The following NUP153 variants were observed in gnomAD, a reference collection of about 807,000 sequenced individuals.
NUP153 encodes nuclear pore complex protein Nup153.
NUP153 carries 27 observed loss-of-function variants against 134.6 expected under a neutral mutation model. The ratio of observed to expected loss-of-function variants is 0.20; its 90% confidence interval spans 0.15 to 0.28. The LOEUF is 0.28. NUP153 is among the 10% of genes least tolerant of loss of function. The pLI is 1.00. For synonymous variants in NUP153, 640 were observed against 623.5 expected (o/e 1.03, Z -0.40); for missense variants, 1,821 against 1,731.3 (o/e 1.05, Z -0.92).
At chr6:17,658,974 T>G (rs886497233) in intron 11 of NUP153, among the ~76,000 whole-genome samples, 3 of 152,188 alleles carry the variant, frequency 2.0e-5, no homozygotes, top group African/African-American at 7.2e-5. Context: ...CTGAGAAGTC[T>G]GCTCAGCAAA....
rs1765663449 is a variant in NUP153 at position 17,638,246 on chromosome 6, A to C, written c.1847-476T>G. On this transcript the variant is annotated intron_variant, in intron 15 of 21. Transcript: ENST00000262077. This position sits in a 1 kb window ranked among gnomAD's most constrained non-coding sequence, Gnocchi z 4.0. Reference sequence around the variant, plus strand: ...TGTGGTATTCTCTACCTTCAGTAAAATCAGCTGAGCAAGTCCTTCTGTTAC... The same window carrying C: ...TGTGGTATTCTCTACCTTCAGTAAACTCAGCTGAGCAAGTCCTTCTGTTAC... 6.6e-6 allele frequency among the ~76,000 whole-genome samples: 1 copy of C among 152,106 alleles called. No individual in the cohort carries two copies. Among genetic ancestry groups the C allele is most frequent in the South Asian group, 2.1e-4 (1 of 4,832 alleles).
intron 1 of NUP153, among the ~76,000 whole-genome samples, chr6:17,704,486 CGGATTAGGTTAAATGGCCA>C (rs1221130359): frequency 6.6e-6 from 1 of 152,158 alleles, no homozygotes; most frequent in Non-Finnish European, 1.5e-5. Flanking sequence ...ATTCTACAGA[CGGATTAGGTTAAATGGCCA>C]GGCTTGTGAC....
At chr6:17,687,591 C>T (rs1011308613) in intron 2 of NUP153, among the ~76,000 whole-genome samples, 5 of 152,104 alleles carry the variant, frequency 3.3e-5, no homozygotes, top group Non-Finnish European at 5.9e-5. Context: ...ATTTCATTAT[C>T]GCTATTTTTT....
intron 2 of NUP153, among the ~76,000 whole-genome samples, chr6:17,685,568 G>GT (rs1768875803): frequency 6.8e-6 from 1 of 147,656 alleles, no homozygotes; most frequent in Non-Finnish European, 1.5e-5. Flanking sequence ...AAAAAAAACT[G>GT]TTATATAAAC....
rs768286949 is a variant in NUP153, at chr6:17,625,300, G to C, written c.3902-467C>G. ...ACCTGTAATCTCAGCACTTTGAAAG[G>C]CCGAGGCGGGCAAATCATGAGGTCA... On this transcript the variant is annotated intron_variant, in intron 19 of 21. Coordinates refer to ENST00000262077, the MANE Select transcript of NUP153 (RefSeq NM_005124.4). This position sits in a 1 kb window ranked among gnomAD's most constrained non-coding sequence, Gnocchi z 4.7. 6.6e-6 allele frequency among the ~76,000 whole-genome samples: 1 copy of C among 152,148 alleles called. No homozygotes were observed. Among genetic ancestry groups the C allele is most frequent in the Non-Finnish European group, 1.5e-5 (1 of 68,024 alleles).
In NUP153 at chr6:17,688,628, G is replaced by A. The variant is rs763279061; in HGVS notation, c.112-10C>T. ...CCCTGCTAAGAATGCCCTGTTGAGAGAAAAAACATATTATGACAGTTTTAG... is the reference window on the plus strand; with the variant it reads ...CCCTGCTAAGAATGCCCTGTTGAGAAAAAAAACATATTATGACAGTTTTAG... On this transcript the variant is annotated splice_polypyrimidine_tract_variant and intron_variant, in intron 1 of 21. Transcript: ENST00000262077. The A allele has an allele frequency of 1.9e-6, 3 of 1,580,552 alleles. No homozygotes were observed. The highest frequency in any genetic ancestry group is 2.2e-5 in the East Asian group (1 of 44,704).
rs1769006287 is a variant in NUP153, at chr6:17,687,543, TGCC to T, written c.334+850_334+852del. On this transcript the variant is annotated intron_variant, in intron 2 of 21. Coordinates refer to ENST00000262077, the MANE Select transcript of NUP153 (RefSeq NM_005124.4). ...GAACATTACTAAGAAAAATTAGGTT[TGCC>T]ATTTCTCTAAAATAAAAACCATTCT... is the stretch of plus-strand genomic sequence containing the variant. 2.6e-5 allele frequency among the ~76,000 whole-genome samples: 4 copies of T among 152,340 alleles called. No homozygotes were observed. The South Asian group carries it at 8.3e-4, about 32-fold the overall frequency.
At chr6:17,643,907 CATA>C (rs1385932634) in intron 14 of NUP153, among the ~76,000 whole-genome samples, 5 of 152,228 alleles carry the variant, frequency 3.3e-5, no homozygotes, top group East Asian at 1.9e-4. Context: ...TGCCTTTCCT[CATA>C]ATAAGTCATG....
rs1764902463 is a variant in NUP153, at chr6:17,625,713, T to G, written c.3901+95A>C. 1 of 950,008 alleles carries G rather than the reference T, an allele frequency of 1.1e-6. No homozygotes were observed. Among genetic ancestry groups the G allele is most frequent in the African/African-American group, 1.6e-5 (1 of 61,184 alleles). The allele number at this position is 950,008 out of a possible 1,614,324, so 58.8% of individuals were successfully genotyped here. ...ATGACCAAAAGGCATTCCCACCATT[T>G]TGTGATAACCTGCTATATGATATTC... On this transcript the variant is annotated intron_variant, in intron 19 of 21. Transcript: ENST00000262077. This position sits in a 1 kb window ranked among gnomAD's most constrained non-coding sequence, Gnocchi z 4.7.
chr6:17,650,181 C>T lies in NUP153; in HGVS notation c.1396-881G>A, dbSNP rs1766431335. 2.6e-5 allele frequency among the ~76,000 whole-genome samples: 4 copies of T among 152,062 alleles called. No individual in the cohort carries two copies. The South Asian group carries it at 8.3e-4, about 32-fold the overall frequency. ...CAATCATCTGAAGGCACAAGAGCAA[C>T]CAAAAGCAAGAAGAAACTGGATGGG... On this transcript the variant is annotated intron_variant, in intron 11 of 21. Transcript: ENST00000262077.
intron 11 of NUP153, among the ~76,000 whole-genome samples, chr6:17,659,911 A>G (rs1044657574): frequency 2.6e-5 from 4 of 152,222 alleles, no homozygotes; most frequent in Admixed American, 2.6e-4. Context: ...AATGATATAC[A>G]GTAATAGATT....
chr6:17,684,608 A>G (rs765160446), intron 2 of NUP153, among the ~76,000 whole-genome samples: 4 of 152,328 alleles, frequency 2.6e-5, no homozygotes, highest in South Asian at 2.1e-4. Context: ...ATTTCCATCA[A>G]TAACTTTTCC....
intron 11 of NUP153, among the ~76,000 whole-genome samples, chr6:17,655,422 GC>G (rs147957015): frequency 0.04 from 5,987 of 151,142 alleles, 366 homozygotes; most frequent in East Asian, 0.29. Flanking sequence ...CCATGAAAAT[GC>G]CGCCCCCACA....
chr6:17,669,252 T>C (rs1373476581), intron 7 of NUP153, 41 bp downstream of exon 7: 2 of 1,554,474 alleles, frequency 1.3e-6, no homozygotes, highest in Non-Finnish European at 8.9e-7. Context: ...CTAATTTTTG[T>C]ATGAACAATA....
intron 16 of NUP153, among the ~76,000 whole-genome samples, chr6:17,636,450 G>C (rs1765555002): frequency 1.3e-5 from 2 of 151,906 alleles, no homozygotes; most frequent in South Asian, 2.1e-4. Flanking sequence ...TAGTAACTCA[G>C]AGCTGTACAT....
At chr6:17,620,797 C>CT (rs1265340012) in intron 20 of NUP153, among the ~76,000 whole-genome samples, 1 of 152,152 alleles carries the variant, frequency 6.6e-6, no homozygotes. Context: ...TAGGACCCCC[C>CT]TGGCCTAGGC....
rs375321404 is a variant in NUP153 at position 17,685,022 on chromosome 6, T to C, written c.334+3374A>G. Among the ~76,000 whole-genome samples the C allele has an allele frequency of 3.5e-4, 54 of 152,358 alleles. No homozygotes were observed. The South Asian group carries it at 6.8e-3, about 19-fold the overall frequency. On this transcript the variant is annotated intron_variant, in intron 2 of 21. Transcript: ENST00000262077. ...TGAAATACTGCAAGAATTACCAAAGTGACAGACATGTTAGCGTGTGCTGGT... is the reference window on the plus strand; with the variant it reads ...TGAAATACTGCAAGAATTACCAAAGCGACAGACATGTTAGCGTGTGCTGGT...
Position 17,669,003 on chromosome 6 carries a change from A to G in NUP153, c.1040T>C (p.Ile347Thr), listed in dbSNP as rs1426619780. The change falls in exon 8 of 22, where the codon ATC becomes ACC. Residue 347 changes from isoleucine (I) to threonine (T), a missense_variant. Ile to Thr is a moderately conservative substitution (Grantham distance 89). Transcript: ENST00000262077. ...NSPLDRSGID[I>T]TDFQAKREKV... The stretch of plus-strand genomic sequence containing the variant: ...TTCTCTTTTGGCCTGAAAATCTGTG[A>G]TATCTATCCCACTCCTATCAAGAGG... The G allele has an allele frequency of 7.8e-6, 12 of 1,537,652 alleles. No individual in the cohort carries two copies. In the East Asian group the frequency reaches 1.2e-4, roughly 15 times the overall value.
intron 1 of NUP153, among the ~76,000 whole-genome samples, chr6:17,698,757 G>C (rs1009656858): frequency 3.1e-5 from 4 of 127,546 alleles, no homozygotes; most frequent in African/African-American, 9.2e-5. Flanking sequence ...AAAAAAAAAA[G>C]AGCTGGGAGC....
Sources: gnomAD v4.1 joint callset for allele counts (sites outside exome capture counted in the v4.1 genomes callset) on GRCh38, gnomAD v4.1.1 for gene constraint, Gnocchi (gnomAD v3.1) non-coding constraint, MANE v1.5 for transcripts, NCBI Gene and HGNC (gene_info 2026-07-23, HGNC 2026-07-21) for gene names.